Variants in CDKN2AIPNL observed in about 807,000 individuals in gnomAD.
CDKN2AIPNL encodes the protein CDKN2AIP N-terminal-like protein.
In CDKN2AIPNL, 9 loss-of-function variants were observed where a neutral mutation model predicts 12.9. That is an observed-to-expected ratio of 0.70 (90% CI 0.42 to 1.22). The LOEUF (loss-of-function observed/expected upper bound fraction) is 1.22, where lower values mean the gene tolerates loss of function less well. CDKN2AIPNL is among the 50% of genes most tolerant of loss of function. CDKN2AIPNL has a pLI of 0.00. For missense variants in CDKN2AIPNL, 143 were observed against 153.6 expected (o/e 0.93, Z 0.37); for synonymous variants, 53 against 61.7 (o/e 0.86, Z 0.66).
chr5:134,410,901 C>G, intron 1 of CDKN2AIPNL: 1 of 641,930 alleles, frequency 1.6e-6, no homozygotes, highest in East Asian at 2.7e-5. Flanking sequence ...TCAAGATTTG[C>G]CACCTTCCTC....
At chr5:134,404,712 T>C (rs1223909150) in intron 2 of CDKN2AIPNL, among the ~76,000 whole-genome samples, 1 of 152,118 alleles carries the variant, frequency 6.6e-6, no homozygotes, top group Non-Finnish European at 1.5e-5. Context: ...GCAGCTCTAG[T>C]ACCTCAGAGC....
intron 2 of CDKN2AIPNL, among the ~76,000 whole-genome samples, chr5:134,409,183 G>C (rs963662773): frequency 6.6e-6 from 1 of 152,176 alleles, no homozygotes; most frequent in African/African-American, 2.4e-5. Flanking sequence ...CATCTGTAAG[G>C]TCACAACTGC....
intron 2 of CDKN2AIPNL, among the ~76,000 whole-genome samples, chr5:134,405,230 C>A (rs557087317): frequency 1.4e-5 from 2 of 147,592 alleles, no homozygotes; most frequent in Admixed American, 1.4e-4. Flanking sequence ...CTCAGCCTCC[C>A]GAGTAGCTGG....
rs919118139 is a variant in CDKN2AIPNL at position 134,406,401 on chromosome 5, C to T, written c.340-3475G>A. On this transcript the variant is annotated intron_variant, in intron 2 of 2. Coordinates refer to ENST00000458198, the MANE Select transcript of CDKN2AIPNL (RefSeq NM_080656.3). ...TGGCTGGACATCAGGAGTATTTTGT[C>T]TATGGGCTGGCAATGTTGCCTAATG... Among the ~76,000 whole-genome samples, 3 of 152,278 alleles carry T rather than the reference C, an allele frequency of 2.0e-5. No homozygotes were observed. The South Asian group carries it at 6.2e-4, about 32-fold the overall frequency.
chr5:134,411,171 G>A lies in CDKN2AIPNL; in HGVS notation c.239+445C>T. ...CATCAATCCTGCCAGAAGCTGCATG[G>A]CCCCAGGTATATCACTTCTCTCCCT... On this transcript the variant is annotated intron_variant, in intron 1 of 2. Transcript: ENST00000458198. 4.3e-6 allele frequency: 3 copies of A among 698,980 alleles called. No individual in the cohort carries two copies. In the South Asian group the frequency reaches 4.4e-5, roughly 10 times the overall value. The allele number at this position is 698,980 out of a possible 1,614,324, so 43.3% of individuals were successfully genotyped here. A position where few individuals can be genotyped will look rare whatever the true frequency, so the allele number is the denominator to read the frequency against.
intron 2 of CDKN2AIPNL, among the ~76,000 whole-genome samples, chr5:134,407,156 CTG>C (rs1335452868): frequency 6.6e-6 from 1 of 152,054 alleles, no homozygotes; most frequent in Non-Finnish European, 1.5e-5. Flanking sequence ...TAGACTCACA[CTG>C]TGCAATGACA....
intron 2 of CDKN2AIPNL, among the ~76,000 whole-genome samples, chr5:134,404,864 C>T (rs1042339613): frequency 7.9e-5 from 12 of 152,216 alleles, no homozygotes; most frequent in African/African-American, 2.7e-4. Context: ...TGGCTCACTG[C>T]AACCTCCGCC....
intron 2 of CDKN2AIPNL, among the ~76,000 whole-genome samples, chr5:134,406,642 C>G (rs1759107725): frequency 6.6e-6 from 1 of 152,150 alleles, no homozygotes; most frequent in African/African-American, 2.4e-5. Flanking sequence ...TGACTCACAC[C>G]AGCACTTTGG....
In CDKN2AIPNL at chr5:134,408,048, T is replaced by C. The variant is rs562515173; in HGVS notation, c.339+1855A>G. Reference sequence around the variant, plus strand: ...GGGGAGGCTGTGGCGCTAGAATCACTTGAGCCTGGGAGGCAGAGGTTGCAG... The same window carrying C: ...GGGGAGGCTGTGGCGCTAGAATCACCTGAGCCTGGGAGGCAGAGGTTGCAG... On this transcript the variant is annotated intron_variant, in intron 2 of 2. Coordinates refer to ENST00000458198, the MANE Select transcript of CDKN2AIPNL (RefSeq NM_080656.3). Among the ~76,000 whole-genome samples the C allele has an allele frequency of 3.3e-5, 5 of 152,048 alleles. No homozygotes were observed. The South Asian group carries it at 1.0e-3, about 32-fold the overall frequency.
In CDKN2AIPNL at chr5:134,408,822, C is replaced by T. The variant is rs963912460; in HGVS notation, c.339+1081G>A. Among the ~76,000 whole-genome samples, 5 of 152,096 alleles carry T rather than the reference C, an allele frequency of 3.3e-5. No homozygotes were observed. The South Asian group carries it at 1.0e-3, about 31-fold the overall frequency. On this transcript the variant is annotated intron_variant, in intron 2 of 2. Transcript: ENST00000458198. ...TCGAAAACCAACCTGAAGCTTTTCC[C>T]CAGGTTCAGATTAAAACTAAAAGAA... is the stretch of plus-strand genomic sequence containing the variant.
chr5:134,411,425 T>C (rs897455511), intron 1 of CDKN2AIPNL, among the ~76,000 whole-genome samples, 191 bp downstream of exon 1: 3 of 152,206 alleles, frequency 2.0e-5, no homozygotes, highest in Non-Finnish European at 4.4e-5. Context: ...AAGAGAAAAC[T>C]GAGGCTCAAA....
At chr5:134,410,681 G>A (rs1759178273) in intron 1 of CDKN2AIPNL, 1 of 234,272 alleles carries the variant, frequency 4.3e-6, no homozygotes, top group Admixed American at 5.1e-5. Flanking sequence ...CTAGAAGGCA[G>A]GGAAAAGGGA....
intron 2 of CDKN2AIPNL, among the ~76,000 whole-genome samples, chr5:134,408,874 C>T (rs997933955): frequency 6.6e-6 from 1 of 152,082 alleles, no homozygotes. Context: ...ACAAACCATC[C>T]TGAAAATCAA....
intron 1 of CDKN2AIPNL, 53 bp from the exon 2 acceptor site, chr5:134,410,055 A>G (rs754960891): frequency 3.1e-6 from 4 of 1,287,472 alleles, no homozygotes; most frequent in Non-Finnish European, 4.5e-6. Flanking sequence ...GTCACTGTGG[A>G]TTAATAAGAA....
chr5:134,405,118 T>C (rs796785783), intron 2 of CDKN2AIPNL, among the ~76,000 whole-genome samples: 2 of 151,188 alleles, frequency 1.3e-5, no homozygotes, highest in African/African-American at 4.9e-5. Context: ...CTTTTTTTTT[T>C]TTTTTGAGAC....
intron 2 of CDKN2AIPNL, among the ~76,000 whole-genome samples, chr5:134,405,962 G>A (rs560276789): frequency 6.6e-6 from 1 of 152,292 alleles, no homozygotes; most frequent in African/African-American, 2.4e-5. Context: ...GGTAAGGTGA[G>A]CAACCACAAA....
chr5:134,411,035 G>A, intron 1 of CDKN2AIPNL: 1 of 702,514 alleles, frequency 1.4e-6, no homozygotes, highest in Non-Finnish European at 2.6e-6. Context: ...ATTTTCATAA[G>A]AGGGAAAGCA....
intron 1 of CDKN2AIPNL, chr5:134,410,812 A>G (rs1759180373): frequency 1.7e-6 from 1 of 581,918 alleles, no homozygotes; most frequent in Admixed American, 3.0e-5. Flanking sequence ...CATAATAGGT[A>G]TAGAAACCAA....
intron 1 of CDKN2AIPNL, among the ~76,000 whole-genome samples, chr5:134,410,358 C>T (rs866363028): frequency 6.6e-6 from 1 of 152,204 alleles, no homozygotes; most frequent in Non-Finnish European, 1.5e-5. Flanking sequence ...TGGTCTCCAA[C>T]TCCTGACCTC....
Sources: gnomAD v4.1 joint callset for allele counts (sites outside exome capture counted in the v4.1 genomes callset) on GRCh38, gnomAD v4.1.1 for gene constraint, MANE v1.5 for transcripts, NCBI Gene and HGNC (gene_info 2026-07-23, HGNC 2026-07-21) for gene names.